Variants in TIMM23B observed in about 807,000 individuals in gnomAD.
The protein encoded by TIMM23B is mitochondrial import inner membrane translocase subunit Tim23B.
In TIMM23B, 27 loss-of-function variants were observed where a neutral mutation model predicts 27.3. That is an observed-to-expected ratio of 0.99 (90% CI 0.73 to 1.36). The LOEUF is 1.36. Among genes scored for constraint, TIMM23B ranks in the 40% most tolerant of loss-of-function variants. The pLI is 0.00. For synonymous variants in TIMM23B, 73 were observed against 92.4 expected (o/e 0.79, Z 1.21); for missense variants, 205 against 244.2 (o/e 0.84, Z 1.07).
In TIMM23B at chr10:49,956,426, CGTGTGTGTGTGTGT is replaced by C. The variant is rs1173703740; in HGVS notation, c.403+1397_403+1410del. Among the ~76,000 whole-genome samples the C allele has an allele frequency of 5.7e-3, 647 of 113,952 alleles. 35 individuals are homozygous for C. The highest frequency in any genetic ancestry group is 0.011 in the Middle Eastern group (2 of 180). The allele number at this position is 113,952 out of a possible 152,430, so 74.8% of individuals were successfully genotyped here. A position where few individuals can be genotyped will look rare whatever the true frequency, so the allele number is the denominator to read the frequency against. On this transcript the variant is annotated intron_variant, in intron 5 of 6. Coordinates refer to ENST00000651259, the MANE Select transcript of TIMM23B (RefSeq NM_001290117.2). ...TCTATTTTTTCTTATACTAGAAATA[CGTGTGTGTGTGTGT>C]GTGTGTGTGTGTGTGTGTGTGTGTG... is the stretch of plus-strand genomic sequence containing the variant.
intron 6 of TIMM23B, among the ~76,000 whole-genome samples, chr10:49,964,354 T>C (rs571385252): frequency 1.5e-5 from 2 of 137,662 alleles, no homozygotes; most frequent in East Asian, 2.2e-4. Flanking sequence ...AGATGAAATA[T>C]GAAATGCTGG....
At chr10:49,971,003 G>A (rs1204842712) in intron 6 of TIMM23B, among the ~76,000 whole-genome samples, 12 of 152,290 alleles carry the variant, frequency 7.9e-5, no homozygotes, top group African/African-American at 2.9e-4. Flanking sequence ...TTCTGCCTTG[G>A]GATGCTGTTG....
chr10:49,942,985 A>G (rs1451526961), intron 1 of TIMM23B, among the ~76,000 whole-genome samples: 1 of 152,236 alleles, frequency 6.6e-6, no homozygotes, highest in Non-Finnish European at 1.5e-5. Flanking sequence ...CTAGATAAAT[A>G]GAACTTGGAC....
chr10:49,944,556 A>G lies in TIMM23B; in HGVS notation c.107-476A>G, dbSNP rs1406324440. ...TTCTCAACCTTGCCACAGTAAATCA[A>G]TCGTTAATAGTAATATGTGAAGGAA... On this transcript the variant is annotated intron_variant, in intron 1 of 6. Coordinates refer to ENST00000651259, the MANE Select transcript of TIMM23B (RefSeq NM_001290117.2). Among the ~76,000 whole-genome samples, 10 of 152,130 alleles carry G rather than the reference A, an allele frequency of 6.6e-5. No individual in the cohort carries two copies. In the East Asian group the frequency reaches 1.7e-3, roughly 26 times the overall value.
At chr10:49,971,445 CA>C (rs1840444633) in intron 6 of TIMM23B, among the ~76,000 whole-genome samples, 2 of 150,942 alleles carry the variant, frequency 1.3e-5, no homozygotes, top group South Asian at 4.2e-4. Context: ...TATTTTAAAA[CA>C]AACAAAAAAA....
intron 1 of TIMM23B, 72 bp downstream of exon 1, chr10:49,942,372 G>C: frequency 1.4e-5 from 21 of 1,552,596 alleles, no homozygotes; most frequent in Non-Finnish European, 1.8e-5. Flanking sequence ...CGCGTCCCAT[G>C]TTTTATGTTG....
chr10:49,951,911 T>C (rs1163157910), intron 2 of TIMM23B, among the ~76,000 whole-genome samples: 3 of 152,382 alleles, frequency 2.0e-5, no homozygotes, highest in Middle Eastern at 6.8e-3. Context: ...ACAAAGTCTT[T>C]AATGAGACTC....
rs1839567037 is a variant in TIMM23B at position 49,952,522 on chromosome 10, A to G, written c.333A>G (p.Pro111=). Residue 111 remains proline, a synonymous_variant, in exon 4 of 7, where the codon CCA becomes CCG. Coordinates refer to ENST00000651259, the MANE Select transcript of TIMM23B (RefSeq NM_001290117.2). ...CCCAGAACATGGCCTGGTCCAAACC[A>G]GGAAATGTACAGTAAGTCTCTTGTA... ...KETQNMAWSK[P]GNVQILNMVT... is the part of the protein sequence containing the mutation. 2 of 1,613,210 alleles carry G rather than the reference A, an allele frequency of 1.2e-6. No individual in the cohort carries two copies. The highest frequency in any genetic ancestry group is 2.7e-5 in the African/African-American group (2 of 74,964).
chr10:49,948,233 A>T (rs1462683513), intron 2 of TIMM23B, among the ~76,000 whole-genome samples: 1 of 152,178 alleles, frequency 6.6e-6, no homozygotes, highest in South Asian at 2.1e-4. Context: ...ATTGTTGAGG[A>T]TGTAGAGAAA....
chr10:49,954,286 C>T (rs1839638814), intron 4 of TIMM23B: 1 of 442,564 alleles, frequency 2.3e-6, no homozygotes, highest in South Asian at 1.8e-5. Context: ...AGAATGTCTT[C>T]TCTTCATCCA....
chr10:49,946,550 C>G (rs1191622113), intron 2 of TIMM23B, among the ~76,000 whole-genome samples: 2 of 151,942 alleles, frequency 1.3e-5, no homozygotes, highest in Non-Finnish European at 1.5e-5. Flanking sequence ...TAGACAGTTG[C>G]AATGAACACT....
intron 5 of TIMM23B, among the ~76,000 whole-genome samples, chr10:49,955,293 T>C (rs1243006924): frequency 1.3e-5 from 2 of 152,186 alleles, no homozygotes; most frequent in African/African-American, 2.4e-5. Context: ...TTAAAATATT[T>C]TGGACACTGC....
chr10:49,958,731 T>C (rs1169693573), intron 6 of TIMM23B, among the ~76,000 whole-genome samples: 3 of 152,214 alleles, frequency 2.0e-5, no homozygotes, highest in African/African-American at 7.2e-5. Flanking sequence ...CTTTTTCATC[T>C]TGCAAAACTG....
chr10:49,944,737 G>A (rs1170565382), intron 1 of TIMM23B, among the ~76,000 whole-genome samples: 3 of 152,194 alleles, frequency 2.0e-5, no homozygotes, highest in African/African-American at 7.2e-5. Context: ...AATTAGCTTT[G>A]TAAATGGCCT....
At chr10:49,952,099 G>A (rs1256133668) in intron 2 of TIMM23B, 27 bp from the exon 3 acceptor site, 2 of 1,529,588 alleles carry the variant, frequency 1.3e-6, no homozygotes, top group African/African-American at 2.7e-5. Context: ...GGGACACTCA[G>A]CTTGGTTTTC....
At chr10:49,961,212 G>A (rs1367637049) in intron 6 of TIMM23B, among the ~76,000 whole-genome samples, 14 of 148,028 alleles carry the variant, frequency 9.5e-5, no homozygotes, top group Admixed American at 5.4e-4. Flanking sequence ...AGAGAAATCC[G>A]GTCTCCACTA....
chr10:49,946,167 G>A, intron 2 of TIMM23B, among the ~76,000 whole-genome samples: 1 of 148,200 alleles, frequency 6.7e-6, no homozygotes, highest in East Asian at 2.0e-4. Context: ...TCCAGCCTGG[G>A]CAACAGAGTA....
chr10:49,972,866 A>T, intron 6 of TIMM23B, 146 bp from the exon 7 acceptor site: 1 of 666,056 alleles, frequency 1.5e-6, no homozygotes. Flanking sequence ...CTCATGTCAG[A>T]TAGAGACATG....
chr10:49,954,988 T>C lies in TIMM23B; in HGVS notation c.345-14T>C. Reference sequence around the variant, plus strand: ...GATTCTAAATACAGATTCTTTCTCTTTCTGCCCTGATAGGATTTTGAATAT... The same window carrying C: ...GATTCTAAATACAGATTCTTTCTCTCTCTGCCCTGATAGGATTTTGAATAT... On this transcript the variant is annotated splice_polypyrimidine_tract_variant and intron_variant, in intron 4 of 6. Transcript: ENST00000651259. 1 of 1,612,522 alleles carries C rather than the reference T, an allele frequency of 6.2e-7. No individual in the cohort carries two copies. The highest frequency in any genetic ancestry group is 1.3e-5 in the African/African-American group (1 of 74,984).
Sources: gnomAD v4.1 joint callset for allele counts (sites outside exome capture counted in the v4.1 genomes callset) on GRCh38, gnomAD v4.1.1 for gene constraint, MANE v1.5 for transcripts, NCBI Gene and HGNC (gene_info 2026-07-23, HGNC 2026-07-21) for gene names.